RYR2: variants seen among roughly 807,000 people sequenced by gnomAD.
RYR2 encodes the protein cardiac muscle ryanodine receptor-calcium release channel.
A neutral mutation model predicts 601.1 loss-of-function variants in RYR2; 227 were observed. The observed-to-expected ratio is 0.38, with a 90% CI of 0.34 to 0.42. RYR2 has a LOEUF of 0.42. Among genes scored for constraint, RYR2 ranks in the 10% least tolerant of loss-of-function variants. The pLI is 1.00. For synonymous variants in RYR2, 2,223 were observed against 2,175.1 expected (o/e 1.02, Z -0.61); for missense variants, 4,646 against 6,156.5 (o/e 0.75, Z 8.21).
intron 1 of RYR2, among the ~76,000 whole-genome samples, chr1:237,247,112 A>C (rs1054368859): frequency 1.3e-5 from 2 of 152,196 alleles, no homozygotes; most frequent in Non-Finnish European, 2.9e-5. Flanking sequence ...TTAATTTGAA[A>C]GAAAACATCT....
intron 44 of RYR2, among the ~76,000 whole-genome samples, chr1:237,637,130 T>C (rs1433630499): frequency 2.0e-5 from 3 of 152,206 alleles, no homozygotes; most frequent in Non-Finnish European, 2.9e-5. Context: ...TCTACATCTC[T>C]CAAAGCTCAT....
chr1:237,677,247 C>T (rs1685480986), intron 60 of RYR2, among the ~76,000 whole-genome samples: 1 of 152,104 alleles, frequency 6.6e-6, no homozygotes, highest in Non-Finnish European at 1.5e-5. Flanking sequence ...TTTACTAAAA[C>T]CTGATAGCTC....
chr1:237,409,489 G>A (rs1572193956), intron 10 of RYR2, among the ~76,000 whole-genome samples: 1 of 152,086 alleles, frequency 6.6e-6, no homozygotes, highest in East Asian at 1.9e-4. Context: ...ATTACCTTAT[G>A]TATACAAAAG....
intron 97 of RYR2, among the ~76,000 whole-genome samples, chr1:237,801,136 CAA>C (rs1273872564): frequency 1.3e-5 from 2 of 151,838 alleles, no homozygotes; most frequent in Admixed American, 6.6e-5. Context: ...TTATTTGAAT[CAA>C]AAGTTATTCT....
In RYR2 at chr1:237,181,818, A is replaced by C. The variant is rs557424266; in HGVS notation, c.49-88679A>C. 6.6e-5 allele frequency among the ~76,000 whole-genome samples: 10 copies of C among 152,280 alleles called. No individual in the cohort carries two copies. In the East Asian group the frequency reaches 1.9e-3, roughly 29 times the overall value. On this transcript the variant is annotated intron_variant, in intron 1 of 104. Coordinates refer to ENST00000366574, the MANE Select transcript of RYR2 (RefSeq NM_001035.3). ...TAGTTTTGATATAAAAAGAAGGATTAATGATGACCGAATTTTTTTCAAATC... is the reference window on the plus strand; with the variant it reads ...TAGTTTTGATATAAAAAGAAGGATTCATGATGACCGAATTTTTTTCAAATC...
At chr1:237,595,763 A>G (rs976914285) in intron 34 of RYR2, 106 bp downstream of exon 34, 1 of 1,334,840 alleles carries the variant, frequency 7.5e-7, no homozygotes, top group Non-Finnish European at 9.9e-7. Context: ...ACACATGTAC[A>G]TGTGCCCCTG....
At chr1:237,154,987 T>C (rs1304541727) in intron 1 of RYR2, among the ~76,000 whole-genome samples, 1 of 152,076 alleles carries the variant, frequency 6.6e-6, no homozygotes, top group African/African-American at 2.4e-5. Flanking sequence ...TGTACTAAGC[T>C]TCAGATGCCA....
intron 44 of RYR2, among the ~76,000 whole-genome samples, chr1:237,637,526 C>T (rs1418891595): frequency 6.6e-6 from 1 of 152,148 alleles, no homozygotes; most frequent in Non-Finnish European, 1.5e-5. Flanking sequence ...AGTAACTGCT[C>T]AAAATAAGGT....
intron 1 of RYR2, among the ~76,000 whole-genome samples, chr1:237,210,821 C>A (rs545980017): frequency 1.3e-5 from 2 of 152,290 alleles, no homozygotes; most frequent in South Asian, 4.2e-4. Flanking sequence ...CTAGGACCAT[C>A]CAGGCCAAAG....
At chr1:237,725,521 TG>T (rs1690120292) in intron 74 of RYR2, among the ~76,000 whole-genome samples, 1 of 152,240 alleles carries the variant, frequency 6.6e-6, no homozygotes, top group Non-Finnish European at 1.5e-5. Flanking sequence ...GTTGTATATC[TG>T]GTAAGTTTTC....
chr1:237,277,399 A>C (rs76866236), intron 2 of RYR2, among the ~76,000 whole-genome samples: 1,649 of 152,318 alleles, frequency 0.011, 43 homozygotes, highest in African/African-American at 0.037. Context: ...GTATGAGCCA[A>C]TGTGATTAGA....
chr1:237,089,785 A>G (rs1460687415), intron 1 of RYR2, among the ~76,000 whole-genome samples: 7 of 152,228 alleles, frequency 4.6e-5, no homozygotes, highest in Admixed American at 4.6e-4. Flanking sequence ...GGGAGTATAT[A>G]GTGAATTTTT....
chr1:237,282,232 T>C (rs2149386479), intron 2 of RYR2, among the ~76,000 whole-genome samples: 1 of 151,762 alleles, frequency 6.6e-6, no homozygotes, highest in East Asian at 1.9e-4. Flanking sequence ...AATATTTTAG[T>C]TTTGTGGGTC....
chr1:237,160,105 G>A (rs116371640), intron 1 of RYR2, among the ~76,000 whole-genome samples: 1,734 of 152,296 alleles, frequency 0.011, 20 homozygotes, highest in Non-Finnish European at 0.017. Flanking sequence ...ATACTTGACA[G>A]ACACAGACTG....
chr1:237,214,940 A>C (rs569325206), intron 1 of RYR2, among the ~76,000 whole-genome samples: 20 of 152,322 alleles, frequency 1.3e-4, no homozygotes, highest in African/African-American at 4.6e-4. Context: ...GAAATGGACT[A>C]GTAATTTTGC....
At chr1:237,226,582 A>T (rs1234680962) in intron 1 of RYR2, among the ~76,000 whole-genome samples, 2 of 152,154 alleles carry the variant, frequency 1.3e-5, no homozygotes, top group Admixed American at 1.3e-4. Flanking sequence ...CAGAGTCCTT[A>T]TTCCTGATTC....
At chr1:237,502,368 G>A (rs529111785) in intron 21 of RYR2, among the ~76,000 whole-genome samples, 1 of 152,180 alleles carries the variant, frequency 6.6e-6, no homozygotes, top group South Asian at 2.1e-4. Context: ...TAGCGATAAG[G>A]TTACCTGCTT....
At chr1:237,651,207 G>C (rs1298255228) in intron 50 of RYR2, among the ~76,000 whole-genome samples, 9 of 152,198 alleles carry the variant, frequency 5.9e-5, no homozygotes, top group Non-Finnish European at 1.3e-4. Context: ...TTCAGATCTA[G>C]GGGATAGAGA....
At chr1:237,142,847 A>G (rs1015960144) in intron 1 of RYR2, among the ~76,000 whole-genome samples, 2 of 152,020 alleles carry the variant, frequency 1.3e-5, no homozygotes, top group African/African-American at 4.8e-5. Flanking sequence ...ATTACCTCTC[A>G]CTTTTCTCTA....
Sources: allele counts gnomAD v4.1 joint callset (sites outside exome capture counted in the v4.1 genomes callset), GRCh38; gene constraint gnomAD v4.1.1; transcripts MANE v1.5; gene names NCBI Gene and HGNC (gene_info 2026-07-23, HGNC 2026-07-21).